The following SLC39A11 variants were observed in gnomAD, a reference collection of about 807,000 sequenced individuals.
SLC39A11 encodes the protein solute carrier family 39 member 11, also known as zinc transporter ZIP11.
Under a neutral mutation model 36.1 loss-of-function variants are expected in SLC39A11, and 33 were observed. The observed-to-expected ratio is 0.91, with a 90% CI of 0.69 to 1.22. The LOEUF (loss-of-function observed/expected upper bound fraction) is 1.22. SLC39A11 is among the 50% of genes most tolerant of loss of function. The probability of loss-of-function intolerance (pLI) is 0.00; values close to 1 mark genes in which losing one functional copy is unlikely to be tolerated. For missense variants in SLC39A11, 432 were observed against 430.3 expected, an observed-to-expected ratio of 1.00 and a Z score of -0.03; for synonymous variants, 166 against 170.3, an observed-to-expected ratio of 0.97 and a Z score of 0.20.
At chr17:72,800,032 C>T (rs2077030846) in intron 6 of SLC39A11, among the ~76,000 whole-genome samples, 1 of 152,090 alleles carries the variant, frequency 6.6e-6, no homozygotes, top group South Asian at 2.1e-4. Flanking sequence ...TCTCTTTGTA[C>T]TGTCTCTCTT....
intron 3 of SLC39A11, among the ~76,000 whole-genome samples, chr17:73,045,503 C>G (rs1181497845): frequency 1.4e-5 from 2 of 148,036 alleles, no homozygotes; most frequent in African/African-American, 4.9e-5. Context: ...TACTAAGCAA[C>G]TACCATGAGT....
chr17:72,786,871 G>T (rs1041616323), intron 6 of SLC39A11, among the ~76,000 whole-genome samples: 5 of 152,190 alleles, frequency 3.3e-5, no homozygotes, highest in Non-Finnish European at 7.3e-5. Flanking sequence ...CCGGGCTGAA[G>T]TGCAATGGCG....
At chr17:72,950,876 G>C (rs771075116) in intron 4 of SLC39A11, among the ~76,000 whole-genome samples, 6 of 152,008 alleles carry the variant, frequency 3.9e-5, no homozygotes, top group Non-Finnish European at 7.4e-5. Flanking sequence ...TGTCATAACT[G>C]GGGGGCTGAG....
intron 6 of SLC39A11, among the ~76,000 whole-genome samples, chr17:72,800,303 ATTTTTTTTTT>A (rs34172959): frequency 1.1e-5 from 1 of 90,368 alleles, no homozygotes; most frequent in Non-Finnish European, 2.3e-5. Flanking sequence ...ACCTACAATA[ATTTTTTTTTT>A]TTTTTTTTTT....
chr17:73,088,906 C>T (rs937160320), intron 1 of SLC39A11, 131 bp from the exon 2 acceptor site: 101 of 656,896 alleles, frequency 1.5e-4, no homozygotes, highest in African/African-American at 1.3e-3. Context: ...CCTTCCACCA[C>T]GCCATCTGTG....
Position 73,049,010 on chromosome 17 carries a change from C to T in SLC39A11, c.148-17296G>A, listed in dbSNP as rs375365369. Among the ~76,000 whole-genome samples, 58 of 152,268 alleles carry T rather than the reference C, an allele frequency of 3.8e-4. No homozygotes were observed. The East Asian group carries it at 0.011, about 28-fold the overall frequency. On this transcript the variant is annotated intron_variant, in intron 3 of 9. Transcript: ENST00000255559. Reference sequence around the variant, plus strand: ...ACAAAGGGGTGTCATTCCCAGCAGCCCAGGGGTCCCTCGGCGATGCTGTAA... The same window carrying T: ...ACAAAGGGGTGTCATTCCCAGCAGCTCAGGGGTCCCTCGGCGATGCTGTAA...
intron 6 of SLC39A11, among the ~76,000 whole-genome samples, chr17:72,798,380 A>G (rs1376123348): frequency 6.7e-6 from 1 of 149,896 alleles, no homozygotes; most frequent in Non-Finnish European, 1.5e-5. Flanking sequence ...GTGAACAGAG[A>G]GAGAGACTGA....
intron 3 of SLC39A11, among the ~76,000 whole-genome samples, chr17:73,064,077 T>C (rs1464988268): frequency 6.7e-6 from 1 of 149,488 alleles, no homozygotes; most frequent in African/African-American, 2.4e-5. Flanking sequence ...TCCAAAGAAA[T>C]GCTACAGCAA....
At chr17:73,006,953 T>C (rs929316121) in intron 4 of SLC39A11, among the ~76,000 whole-genome samples, 1 of 152,116 alleles carries the variant, frequency 6.6e-6, no homozygotes, top group Non-Finnish European at 1.5e-5. Flanking sequence ...CTCTTTCCTG[T>C]AGCAAATCAG....
chr17:72,895,550 G>A (rs112461746), intron 5 of SLC39A11, among the ~76,000 whole-genome samples: 1,639 of 151,006 alleles, frequency 0.011, 39 homozygotes, highest in African/African-American at 0.037. Context: ...TTGCATTCCA[G>A]CCTGGGCAAC....
chr17:72,675,639 C>T (rs549284526), intron 7 of SLC39A11, among the ~76,000 whole-genome samples: 3 of 152,272 alleles, frequency 2.0e-5, no homozygotes, highest in South Asian at 4.1e-4. Context: ...GGTCTCTAGT[C>T]GTTGCTCTGT....
intron 6 of SLC39A11, among the ~76,000 whole-genome samples, chr17:72,828,448 C>CA (rs2078122864): frequency 6.6e-6 from 1 of 152,176 alleles, no homozygotes; most frequent in African/African-American, 2.4e-5. Context: ...CTAGAGCTTC[C>CA]AGAAAGCATG....
chr17:73,041,547 C>A (rs1437717425), intron 3 of SLC39A11, among the ~76,000 whole-genome samples: 2 of 152,194 alleles, frequency 1.3e-5, no homozygotes, highest in Non-Finnish European at 2.9e-5. Flanking sequence ...CCCAGCCCAG[C>A]TAAGGGTGGG....
intron 6 of SLC39A11, among the ~76,000 whole-genome samples, chr17:72,784,427 G>A (rs1307053088): frequency 3.3e-5 from 5 of 152,160 alleles, no homozygotes; most frequent in African/African-American, 9.7e-5. Flanking sequence ...AAGACAGGGG[G>A]TTTGACACCA....
At chr17:72,947,316 G>A (rs952475763) in intron 5 of SLC39A11, among the ~76,000 whole-genome samples, 1 of 124,530 alleles carries the variant, frequency 8.0e-6, no homozygotes, top group Admixed American at 8.7e-5. Context: ...TCCATCTCGG[G>A]GGGAAAAAAA....
intron 3 of SLC39A11, among the ~76,000 whole-genome samples, chr17:73,054,605 C>T (rs974092415): frequency 7.2e-5 from 11 of 151,756 alleles, no homozygotes; most frequent in African/African-American, 2.7e-4. Context: ...GTCAGGAGTT[C>T]GAAACTGGCC....
At chr17:72,736,625 C>G (rs369271675) in intron 7 of SLC39A11, 25 bp downstream of exon 7, 4 of 1,609,896 alleles carry the variant, frequency 2.5e-6, no homozygotes, top group Non-Finnish European at 3.4e-6. Flanking sequence ...GAACCATGCT[C>G]TAGGGTCCCA....
chr17:72,941,566 T>G (rs1567990826), intron 5 of SLC39A11, among the ~76,000 whole-genome samples: 1 of 151,814 alleles, frequency 6.6e-6, no homozygotes. Context: ...GTTTTTTTTT[T>G]TTTTTAAAAG....
chr17:72,922,960 C>CAAAAAAAAAAAAAAAAAAAAA (rs10645750), intron 5 of SLC39A11, among the ~76,000 whole-genome samples: 1 of 44,080 alleles, frequency 2.3e-5, no homozygotes, highest in African/African-American at 5.6e-5. Context: ...GACTCCTTCT[C>CAAAAAAAAAAAAAAAAAAAAA]AAAAAAAAAA....
Sources: gnomAD v4.1 joint callset for allele counts (sites outside exome capture counted in the v4.1 genomes callset) on GRCh38, gnomAD v4.1.1 for gene constraint, MANE v1.5 for transcripts, NCBI Gene and HGNC (gene_info 2026-07-23, HGNC 2026-07-21) for gene names.